Variants in PDE3A observed in about 807,000 individuals in gnomAD.
PDE3A encodes the protein phosphodiesterase 3A.
In PDE3A, 43 loss-of-function variants were observed where a neutral mutation model predicts 98.3. The ratio of observed to expected loss-of-function variants is 0.44; its 90% confidence interval spans 0.34 to 0.56. PDE3A has a LOEUF of 0.56. Among genes scored for constraint, PDE3A ranks in the 20% least tolerant of loss-of-function variants. The probability of loss-of-function intolerance (pLI) is 0.01; values close to 1 mark genes in which losing one functional copy is unlikely to be tolerated. For synonymous variants in PDE3A, 663 were observed against 567.9 expected (o/e 1.17, Z -2.38); for missense variants, 1,427 against 1,440.7 (o/e 0.99, Z 0.15).
At chr12:20,441,208 A>G (rs1477040429) in intron 1 of PDE3A, among the ~76,000 whole-genome samples, 1 of 152,216 alleles carries the variant, frequency 6.6e-6, no homozygotes, top group South Asian at 2.1e-4. Flanking sequence ...AAACTGTGTT[A>G]TAGTCCAGAC....
chr12:20,656,665 A>C (rs1328743080), intron 15 of PDE3A, among the ~76,000 whole-genome samples: 1 of 152,148 alleles, frequency 6.6e-6, no homozygotes, highest in East Asian at 1.9e-4. Context: ...TTTCATTTCA[A>C]AGAGCCAGGT....
intron 2 of PDE3A, chr12:20,572,086 C>A: frequency 8.1e-7 from 1 of 1,238,026 alleles, no homozygotes; most frequent in East Asian, 6.3e-5. Context: ...ATCAGTCTAA[C>A]AGAATCTGAA....
rs778036645 is a variant in PDE3A at position 20,637,249 on chromosome 12, A to G, written c.2139+12A>G. 47 of 1,582,174 alleles carry G rather than the reference A, an allele frequency of 3.0e-5. No individual in the cohort carries two copies. Among genetic ancestry groups the G allele is most frequent in the Non-Finnish European group, 4.1e-5 (47 of 1,156,644 alleles). On this transcript the variant is annotated intron_variant, in intron 9 of 15. Transcript: ENST00000359062. ...GTATTCTTAGTCAGGTAAGAAATGC[A>G]TTCATTCACACTAATTTAAATATAG...
Position 20,369,667 on chromosome 12 carries a change from C to T in PDE3A, c.383C>T (p.Pro128Leu), listed in dbSNP as rs1200405360. ...CCCGGGGGCGGTGCGCGGCTCAGCC[C>T]CTGGCTGCAGCCCTCGGCGCTGCTC... is the stretch of plus-strand genomic sequence containing the variant. The part of the protein sequence containing the change: ...GAPGGGARLS[P>L]WLQPSALLFS... The change falls in exon 1 of 16, where the codon CCC becomes CTC. Residue 128 changes from proline (P) to leucine (L), a missense_variant. Around this residue, in one of 3 missense-constraint regions of PDE3A, gnomAD observed 1,012 missense variants for 886.5 expected, o/e 1.14. Transcript: ENST00000359062. The T allele has an allele frequency of 6.2e-7, 1 of 1,607,184 alleles. No individual in the cohort carries two copies. The highest frequency in any genetic ancestry group is 8.5e-7 in the Non-Finnish European group (1 of 1,177,684).
intron 15 of PDE3A, among the ~76,000 whole-genome samples, chr12:20,674,552 A>G (rs907434322): frequency 6.6e-6 from 1 of 152,146 alleles, no homozygotes; most frequent in Non-Finnish European, 1.5e-5. Context: ...GATAGATGCA[A>G]AAAAGCATTT....
rs58496505 is a variant in PDE3A at position 20,687,914 on chromosome 12, G to GAAAAAAAAAAAAAAA, written c.*7652_*7666dup. Among the ~76,000 whole-genome samples, 20 of 94,260 alleles carry GAAAAAAAAAAAAAAA rather than the reference G, an allele frequency of 2.1e-4. No homozygotes were observed. The highest frequency in any genetic ancestry group is 6.8e-4 in the African/African-American group (16 of 23,398). 61.8% of individuals were successfully genotyped at this position (94,260 alleles called of 152,430 possible). ...GACCAGTCATTACCTCTTCCCAACA[G>GAAAAAAAAAAAAAAA]AAAAAAAAAAAAAAAAAAAAAAACT... On this transcript the variant is annotated 3_prime_UTR_variant, in exon 16 of 16. Coordinates refer to ENST00000359062, the MANE Select transcript of PDE3A (RefSeq NM_000921.5).
At chr12:20,520,035 A>G (rs1284537345) in intron 1 of PDE3A, among the ~76,000 whole-genome samples, 1 of 152,178 alleles carries the variant, frequency 6.6e-6, no homozygotes, top group African/African-American at 2.4e-5. Flanking sequence ...ATCGCTATTC[A>G]GTGAGGGTAC....
At chr12:20,415,548 C>T (rs1331003644) in intron 1 of PDE3A, among the ~76,000 whole-genome samples, 1 of 152,038 alleles carries the variant, frequency 6.6e-6, no homozygotes, top group Non-Finnish European at 1.5e-5. Flanking sequence ...AGCGATTCTC[C>T]CATCTCAGCC....
intron 15 of PDE3A, among the ~76,000 whole-genome samples, chr12:20,662,154 C>T (rs78430059): frequency 0.042 from 6,437 of 152,062 alleles, 238 homozygotes; most frequent in African/African-American, 0.091. Context: ...TGTAAATTGC[C>T]CGGTCTTGGG....
At position 20,369,475 on chromosome 12, in the gene PDE3A, C is replaced by G; in HGVS notation, c.191C>G (p.Ala64Gly). The G allele has an allele frequency of 6.4e-7, 1 of 1,556,222 alleles. No individual in the cohort carries two copies. Among genetic ancestry groups the G allele is most frequent in the Non-Finnish European group, 8.7e-7 (1 of 1,150,600 alleles). The change falls in exon 1 of 16, where the codon GCG becomes GGG. Residue 64 changes from alanine (A) to glycine (G), a missense_variant. Around this residue, in one of 3 missense-constraint regions of PDE3A, gnomAD observed 1,012 missense variants for 886.5 expected, o/e 1.14. Transcript: ENST00000359062. ...CGGAGCTCTCGGAAACTTTCCTCCG[C>G]GCTGTGCGCGGGCTCCCTGTCCTTT... ...PLRSSRKLSS[A>G]LCAGSLSFLL...
At chr12:20,660,078 C>A (rs2121522520) in intron 15 of PDE3A, among the ~76,000 whole-genome samples, 1 of 152,260 alleles carries the variant, frequency 6.6e-6, no homozygotes, top group East Asian at 1.9e-4. Context: ...GTAATCGAAT[C>A]ATAAGGGGAG....
intron 7 of PDE3A, 152 bp downstream of exon 7, chr12:20,633,930 C>T: frequency 3.7e-6 from 2 of 544,368 alleles, no homozygotes; most frequent in Non-Finnish European, 3.3e-6. Flanking sequence ...AAACTCCTGG[C>T]CTCAAGTGAT....
intron 1 of PDE3A, among the ~76,000 whole-genome samples, chr12:20,541,721 AC>A (rs1941916225): frequency 6.6e-6 from 1 of 152,058 alleles, no homozygotes; most frequent in Non-Finnish European, 1.5e-5. Context: ...TTGCAATAAA[AC>A]TTTTTTCTGC....
At chr12:20,458,747 CAT>C (rs2120917187) in intron 1 of PDE3A, among the ~76,000 whole-genome samples, 1 of 152,208 alleles carries the variant, frequency 6.6e-6, no homozygotes, top group South Asian at 2.1e-4. Context: ...GAGTCAGAAA[CAT>C]AAGATTCAGA....
chr12:20,493,964 A>G (rs574444074), intron 1 of PDE3A, among the ~76,000 whole-genome samples: 96 of 152,228 alleles, frequency 6.3e-4, no homozygotes, highest in Non-Finnish European at 1.1e-3. Flanking sequence ...GAGTATTCCA[A>G]TGTATGGATA....
chr12:20,478,535 T>A lies in PDE3A; in HGVS notation c.961-78125T>A, dbSNP rs146190399. 7.7e-3 allele frequency among the ~76,000 whole-genome samples: 1,168 copies of A among 152,286 alleles called. 11 individuals carry two copies. Among genetic ancestry groups the A allele is most frequent in the Middle Eastern group, 0.061 (18 of 294 alleles). On this transcript the variant is annotated intron_variant, in intron 1 of 15. Coordinates refer to ENST00000359062, the MANE Select transcript of PDE3A (RefSeq NM_000921.5). ...TTTTCTTGTATTTTCAGTACCTACCTAGCACACTGCTTGACATTCAATAAA... is the reference window on the plus strand; with the variant it reads ...TTTTCTTGTATTTTCAGTACCTACCAAGCACACTGCTTGACATTCAATAAA...
At chr12:20,672,281 T>G (rs1430320487) in intron 15 of PDE3A, among the ~76,000 whole-genome samples, 2 of 145,172 alleles carry the variant, frequency 1.4e-5, no homozygotes, top group South Asian at 4.7e-4. Context: ...CCCAAGGTAA[T>G]TTACAGATTC....
At chr12:20,664,139 T>C (rs190266141) in intron 15 of PDE3A, among the ~76,000 whole-genome samples, 327 of 152,288 alleles carry the variant, frequency 2.1e-3, no homozygotes, top group African/African-American at 7.2e-3. Flanking sequence ...CCTTCCACCA[T>C]GATTATGTTT....
rs1943390032 is a variant in PDE3A at position 20,368,544 on chromosome 12, T to C, written c.-741T>C. Among the ~76,000 whole-genome samples, 1 of 151,410 alleles carries C rather than the reference T, an allele frequency of 6.6e-6. No homozygotes were observed. Among genetic ancestry groups the C allele is most frequent in the African/African-American group, 2.4e-5 (1 of 41,302 alleles). ...CTCCCTTCTGCGGCTGCCGCTAGTC[T>C]CTCGGTCTGGCTCTCTCTCCGACGG... On this transcript the variant is annotated 5_prime_UTR_variant, in exon 1 of 16. Coordinates refer to ENST00000359062, the MANE Select transcript of PDE3A (RefSeq NM_000921.5).
Sources: allele counts gnomAD v4.1 joint callset (sites outside exome capture counted in the v4.1 genomes callset), GRCh38; gene constraint gnomAD v4.1.1; regional missense constraint gnomAD v4.1.1; transcripts MANE v1.5; gene names NCBI Gene and HGNC (gene_info 2026-07-23, HGNC 2026-07-21).